Variants in USP37 observed in about 807,000 individuals in gnomAD.
The protein encoded by USP37 is ubiquitin carboxyl-terminal hydrolase 37.
A neutral mutation model predicts 124.0 loss-of-function variants in USP37; 27 were observed. The observed-to-expected ratio is 0.22, with a 90% CI of 0.16 to 0.30. The LOEUF (loss-of-function observed/expected upper bound fraction) is 0.30, where lower values mean the gene tolerates loss of function less well. Ranked by LOEUF, USP37 falls within the 10% of genes least tolerant of loss-of-function variation. The pLI is 1.00. For missense variants in USP37, 889 were observed against 1,140.4 expected (o/e 0.78, Z 3.17); for synonymous variants, 365 against 388.0 (o/e 0.94, Z 0.70).
intron 16 of USP37, among the ~76,000 whole-genome samples, chr2:218,484,424 C>T (rs1691436438): frequency 6.6e-6 from 1 of 151,972 alleles, no homozygotes; most frequent in Non-Finnish European, 1.5e-5. Context: ...GAGTTCAAGA[C>T]CAACCTGGTC....
intron 8 of USP37, among the ~76,000 whole-genome samples, chr2:218,540,660 G>C (rs753677325): frequency 3.9e-5 from 6 of 152,062 alleles, no homozygotes; most frequent in Non-Finnish European, 8.8e-5. Flanking sequence ...CAAAACTTAT[G>C]AATTATTTAT....
At chr2:218,551,220 A>C (rs758074109) in intron 5 of USP37, among the ~76,000 whole-genome samples, 18 of 152,198 alleles carry the variant, frequency 1.2e-4, no homozygotes, top group Non-Finnish European at 2.4e-4. Context: ...TGCTGTTCAA[A>C]GTATTTTTAT....
Position 218,517,714 on chromosome 2 carries a change from G to T in USP37, c.864-7574C>A, listed in dbSNP as rs568452469. Among the ~76,000 whole-genome samples the T allele has an allele frequency of 3.9e-5, 6 of 152,042 alleles. No individual in the cohort carries two copies. The South Asian group carries it at 6.2e-4, about 16-fold the overall frequency. ...AGGTTTCTTTTTCTCAATCCTACTTGGTATTCATTAGGCTTCTTAATTCTA... is the reference window on the plus strand; with the variant it reads ...AGGTTTCTTTTTCTCAATCCTACTTTGTATTCATTAGGCTTCTTAATTCTA... On this transcript the variant is annotated intron_variant, in intron 10 of 25. Coordinates refer to ENST00000258399, the MANE Select transcript of USP37 (RefSeq NM_020935.3).
chr2:218,486,814 C>T (rs566632798), intron 15 of USP37, among the ~76,000 whole-genome samples: 1 of 152,222 alleles, frequency 6.6e-6, no homozygotes, highest in Admixed American at 6.5e-5. Flanking sequence ...CAAGCTCCAC[C>T]TCCCAGGTTC....
At chr2:218,481,292 A>G (rs1691258702) in intron 17 of USP37, among the ~76,000 whole-genome samples, 1 of 152,222 alleles carries the variant, frequency 6.6e-6, no homozygotes, top group Non-Finnish European at 1.5e-5. Context: ...ATATGCATGA[A>G]GGCATAACAT....
intron 16 of USP37, among the ~76,000 whole-genome samples, chr2:218,485,077 GTGTA>G (rs1463906487): frequency 1.3e-5 from 2 of 152,130 alleles, no homozygotes; most frequent in Non-Finnish European, 2.9e-5. Context: ...ATATACATGT[GTGTA>G]TGTGTCTATA....
chr2:218,518,774 C>G (rs577742878), intron 10 of USP37, among the ~76,000 whole-genome samples: 118 of 152,282 alleles, frequency 7.7e-4, no homozygotes, highest in African/African-American at 2.8e-3. Flanking sequence ...GCTACCTGTG[C>G]TACTAAAAAC....
At chr2:218,473,349 A>G (rs1690794538) in intron 20 of USP37, 1 of 152,204 alleles carries the variant, frequency 6.6e-6, no homozygotes, top group Non-Finnish European at 1.5e-5. Context: ...TAGTAAGGGG[A>G]CTGCATAATG....
At chr2:218,464,361 CT>C (rs1373444156) in intron 21 of USP37, among the ~76,000 whole-genome samples, 1 of 152,108 alleles carries the variant, frequency 6.6e-6, no homozygotes, top group Non-Finnish European at 1.5e-5. Context: ...CCTCAGCCTC[CT>C]TACTAGTTGA....
chr2:218,513,433 T>C (rs137856479), intron 10 of USP37, among the ~76,000 whole-genome samples: 1 of 152,352 alleles, frequency 6.6e-6, no homozygotes, highest in East Asian at 1.9e-4. Flanking sequence ...ACATTTAAAG[T>C]GTATAACTTT....
At position 218,450,443 on chromosome 2, in the gene USP37, C is replaced by T. The variant is rs1008691982; in HGVS notation, c.*4487G>A. The stretch of plus-strand genomic sequence containing the variant: ...CACTCTGAACATAAAGAAAAAAAAT[C>T]ATCTCACAAATAATGTGGCCACAGC... On this transcript the variant is annotated 3_prime_UTR_variant, in exon 26 of 26. Transcript: ENST00000258399. The T allele has an allele frequency of 1.3e-5, 2 of 152,598 alleles. No homozygotes were observed. The highest frequency in any genetic ancestry group is 6.5e-5 in the Admixed American group (1 of 15,272). The allele number at this position is 152,598 out of a possible 1,614,324, so 9.5% of individuals were successfully genotyped here.
At chr2:218,522,565 A>G (rs1411324344) in intron 10 of USP37, among the ~76,000 whole-genome samples, 2 of 146,450 alleles carry the variant, frequency 1.4e-5, no homozygotes, top group African/African-American at 5.0e-5. Flanking sequence ...TCCACCACAA[A>G]AAAAAAAAAA....
chr2:218,465,874 T>C (rs1026159427), intron 21 of USP37, 136 bp downstream of exon 21: 33 of 1,159,930 alleles, frequency 2.8e-5, no homozygotes, highest in African/African-American at 1.1e-4. Context: ...GTCTTTTTTT[T>C]CCCCAATGAC....
chr2:218,538,587 T>C (rs895457786), intron 8 of USP37, among the ~76,000 whole-genome samples: 5 of 152,194 alleles, frequency 3.3e-5, no homozygotes, highest in South Asian at 2.1e-4. Flanking sequence ...GTAACAGCCA[T>C]GGTGGCAGAT....
At chr2:218,497,989 A>C (rs752483245) in intron 12 of USP37, 37 bp downstream of exon 12, 1 of 1,569,844 alleles carries the variant, frequency 6.4e-7, no homozygotes, top group Admixed American at 1.9e-5. Flanking sequence ...TCAATGAAGT[A>C]AAAGGTTACT....
chr2:218,458,253 T>TAAAAAAAAAA (rs33911503), intron 23 of USP37, among the ~76,000 whole-genome samples: 1 of 70,948 alleles, frequency 1.4e-5, no homozygotes, highest in Admixed American at 2.1e-4. Context: ...AGACCTTGCC[T>TAAAAAAAAAA]AAAAAAAAAA....
chr2:218,528,915 C>CTG (rs1201618259), intron 10 of USP37: 2 of 393,676 alleles, frequency 5.1e-6, no homozygotes, highest in East Asian at 7.3e-5. Context: ...ACATTCACTG[C>CTG]TGTAATACAG....
At chr2:218,543,831 C>CAA (rs559137867) in intron 8 of USP37, among the ~76,000 whole-genome samples, 1 of 149,500 alleles carries the variant, frequency 6.7e-6, no homozygotes. Context: ...AAAAAACAAA[C>CAA]AAAAAAAAAA....
chr2:218,459,571 C>T (rs959212973), intron 23 of USP37, among the ~76,000 whole-genome samples: 1 of 151,882 alleles, frequency 6.6e-6, no homozygotes, highest in Admixed American at 6.5e-5. Flanking sequence ...GTAAAGTGGT[C>T]AGGATGTATT....
Sources: allele counts gnomAD v4.1 joint callset (sites outside exome capture counted in the v4.1 genomes callset), GRCh38; gene constraint gnomAD v4.1.1; transcripts MANE v1.5; gene names NCBI Gene and HGNC (gene_info 2026-07-23, HGNC 2026-07-21).